The following ST6GAL1 variants were observed in gnomAD, a reference collection of about 807,000 sequenced individuals.
ST6GAL1 encodes the protein beta-galactoside alpha-2,6-sialyltransferase 1.
Under a neutral mutation model 38.0 loss-of-function variants are expected in ST6GAL1, and 20 were observed. That is an observed-to-expected ratio of 0.53 (90% CI 0.37 to 0.77). ST6GAL1 has a LOEUF of 0.77. Ranked by LOEUF, ST6GAL1 falls within the 30% of genes least tolerant of loss-of-function variation. ST6GAL1 has a pLI of 0.00. For synonymous variants in ST6GAL1, 196 were observed against 188.2 expected, an observed-to-expected ratio of 1.04 and a Z score of -0.34; for missense variants, 432 against 496.4, an observed-to-expected ratio of 0.87 and a Z score of 1.23.
At chr3:187,023,226 C>G (rs547112419) in intron 2 of ST6GAL1, among the ~76,000 whole-genome samples, 11 of 152,342 alleles carry the variant, frequency 7.2e-5, no homozygotes, top group South Asian at 2.1e-4. Flanking sequence ...TTTCTCTGAT[C>G]ATCTGATTTA....
intron 2 of ST6GAL1, among the ~76,000 whole-genome samples, chr3:187,008,696 G>T (rs1716861297): frequency 6.6e-6 from 1 of 152,092 alleles, no homozygotes. Context: ...AAGAAGAGCA[G>T]GAGAAATAAT....
intron 1 of ST6GAL1, among the ~76,000 whole-genome samples, chr3:186,951,183 C>T (rs905639467): frequency 5.3e-5 from 8 of 152,188 alleles, no homozygotes; most frequent in African/African-American, 1.9e-4. Context: ...AAGCGATTCT[C>T]CTGCCTCAGC....
Position 186,948,528 on chromosome 3 carries a change from A to AGTGTGTGT in ST6GAL1, c.-324-15222_-324-15215dup, listed in dbSNP as rs36234165. ...ATGCTCTTGGGGGTTCAGAAACTCT[A>AGTGTGTGT]GTGTGTGTGTGTGTGTGTGTGTGTG... On this transcript the variant is annotated intron_variant, in intron 1 of 7. Coordinates refer to ENST00000169298, the MANE Select transcript of ST6GAL1 (RefSeq NM_173216.2). 2.2e-3 allele frequency among the ~76,000 whole-genome samples: 319 copies of AGTGTGTGT among 146,332 alleles called. 1 individual carries two copies. Among genetic ancestry groups the AGTGTGTGT allele is most frequent in the Non-Finnish European group, 3.5e-3 (234 of 66,680 alleles).
chr3:186,973,844 A>T (rs1715434220), intron 2 of ST6GAL1, among the ~76,000 whole-genome samples: 1 of 152,190 alleles, frequency 6.6e-6, no homozygotes, highest in South Asian at 2.1e-4. Context: ...CTCATTCAGC[A>T]TTCAATCGAC....
chr3:186,987,200 G>GAGTGAAGGA (rs1553821932), intron 2 of ST6GAL1, among the ~76,000 whole-genome samples: 1 of 138,658 alleles, frequency 7.2e-6, no homozygotes, highest in African/African-American at 2.7e-5. Context: ...GGGAGGGAGG[G>GAGTGAAGGA]AAGGAAAGAA....
intron 1 of ST6GAL1, among the ~76,000 whole-genome samples, chr3:186,945,312 A>T (rs1429701629): frequency 7.8e-6 from 1 of 128,444 alleles, no homozygotes; most frequent in African/African-American, 4.0e-5. Context: ...TCTCTATTTA[A>T]AAAAAAAAAA....
chr3:187,052,854 A>G (rs1047086774), intron 5 of ST6GAL1, among the ~76,000 whole-genome samples: 3 of 152,214 alleles, frequency 2.0e-5, no homozygotes. Context: ...CTAGTTCTAG[A>G]TCCTTGAGGA....
At chr3:187,066,013 C>T (rs548624613) in intron 5 of ST6GAL1, among the ~76,000 whole-genome samples, 2 of 151,834 alleles carry the variant, frequency 1.3e-5, no homozygotes, top group African/African-American at 2.4e-5. Flanking sequence ...ATCACCAAAG[C>T]TTTCTGGAAG....
intron 2 of ST6GAL1, among the ~76,000 whole-genome samples, chr3:186,993,561 TTTATTTATTTA>T (rs755372638): frequency 0.27 from 20,759 of 77,242 alleles, 1,582 homozygotes; most frequent in East Asian, 0.55. Flanking sequence ...CAGAGTTTTA[TTTATTTATTTA>T]TTTATTTATT....
Position 187,076,035 on chromosome 3 carries a change from TATCTA to T in ST6GAL1, c.*233_*237del, listed in dbSNP as rs1719550050. The T allele has an allele frequency of 1.8e-6, 1 of 547,296 alleles. No individual in the cohort carries two copies. The highest frequency in any genetic ancestry group is 3.2e-6 in the Non-Finnish European group (1 of 313,696). 33.9% of individuals were successfully genotyped at this position (547,296 alleles called of 1,614,324 possible). On this transcript the variant is annotated 3_prime_UTR_variant, in exon 8 of 8. Coordinates refer to ENST00000169298, the MANE Select transcript of ST6GAL1 (RefSeq NM_173216.2). The stretch of plus-strand genomic sequence containing the variant: ...GCCTCCTGCCACACACATGCACACA[TATCTA>T]GCATTCTTTCCAGACAGCATCCTCC...
intron 3 of ST6GAL1, among the ~76,000 whole-genome samples, chr3:187,042,285 G>C (rs1401955991): frequency 6.6e-6 from 1 of 151,490 alleles, no homozygotes; most frequent in Non-Finnish European, 1.5e-5. Flanking sequence ...TGAGTGATTT[G>C]CAAGATGTGG....
chr3:187,037,045 TC>T (rs1368580634), intron 2 of ST6GAL1, among the ~76,000 whole-genome samples: 3 of 152,214 alleles, frequency 2.0e-5, no homozygotes, highest in Non-Finnish European at 2.9e-5. Flanking sequence ...GAGTATGTAA[TC>T]TTTTGAATTA....
intron 2 of ST6GAL1, among the ~76,000 whole-genome samples, chr3:187,017,526 A>G (rs114571319): frequency 6.6e-6 from 1 of 152,306 alleles, no homozygotes; most frequent in Non-Finnish European, 1.5e-5. Context: ...TGAAGCTCTC[A>G]GGACAGACTT....
At chr3:186,936,195 T>A (rs980093773) in intron 1 of ST6GAL1, among the ~76,000 whole-genome samples, 2 of 152,052 alleles carry the variant, frequency 1.3e-5, no homozygotes, top group African/African-American at 4.8e-5. Flanking sequence ...TCTTCATGAA[T>A]AAAGGGAAGA....
rs147617862 is a variant in ST6GAL1, at chr3:187,023,116, A to G, written c.-182-15626A>G. Among the ~76,000 whole-genome samples the G allele has an allele frequency of 1.1e-3, 165 of 152,300 alleles. 1 individual carries two copies. Among genetic ancestry groups the G allele is most frequent in the African/African-American group, 3.5e-3 (145 of 41,568 alleles). ...GGTTTCTCTGGGGTGCCCATGGCCA[A>G]AAAGGAGTCCATTCAGTTGGTTAGT... On this transcript the variant is annotated intron_variant, in intron 2 of 7. Coordinates refer to ENST00000169298, the MANE Select transcript of ST6GAL1 (RefSeq NM_173216.2).
chr3:186,992,441 C>A (rs1222440379), intron 2 of ST6GAL1, among the ~76,000 whole-genome samples: 2 of 152,088 alleles, frequency 1.3e-5, no homozygotes, highest in Non-Finnish European at 2.9e-5. Flanking sequence ...CGGCAGTTCT[C>A]ACACAGAAGT....
intron 2 of ST6GAL1, among the ~76,000 whole-genome samples, chr3:187,021,684 T>A (rs1423853921): frequency 2.2e-5 from 3 of 138,258 alleles, no homozygotes. Context: ...GAGGTTGCAG[T>A]GAATCAAGAT....
intron 2 of ST6GAL1, among the ~76,000 whole-genome samples, chr3:187,009,805 AC>A (rs1203731224): frequency 6.6e-6 from 1 of 152,066 alleles, no homozygotes; most frequent in East Asian, 1.9e-4. Context: ...GGAGTTCAAG[AC>A]CACCCTGGCC....
Position 187,075,584 on chromosome 3 carries a change from G to C in ST6GAL1, c.1002G>C (p.Leu334=), listed in dbSNP as rs756391974. ...GMLGIIIMMT[L]CDQVDIYEFL... is the part of the protein sequence containing the mutation. ...CAGGTATCATCATCATGATGACGCTGTGTGACCAGGTGGATATTTATGAGT... is the reference window on the plus strand; with the variant it reads ...CAGGTATCATCATCATGATGACGCTCTGTGACCAGGTGGATATTTATGAGT... Residue 334 remains leucine (L), a synonymous_variant, in exon 8 of 8, where the codon CTG becomes CTC. Coordinates refer to ENST00000169298, the MANE Select transcript of ST6GAL1 (RefSeq NM_173216.2). This position sits in a 1 kb window ranked among gnomAD's most constrained non-coding sequence, Gnocchi z 4.1. 1.2e-6 allele frequency: 2 copies of C among 1,614,196 alleles called. No individual in the cohort carries two copies. Among genetic ancestry groups the C allele is most frequent in the Non-Finnish European group, 8.5e-7 (1 of 1,180,032 alleles).
Sources: gnomAD v4.1 joint callset for allele counts (sites outside exome capture counted in the v4.1 genomes callset) on GRCh38, gnomAD v4.1.1 for gene constraint, Gnocchi (gnomAD v3.1) non-coding constraint, MANE v1.5 for transcripts, NCBI Gene and HGNC (gene_info 2026-07-23, HGNC 2026-07-21) for gene names.